The following RCSD1 variants were observed in gnomAD, a reference collection of about 807,000 sequenced individuals.
RCSD1 encodes the protein capZ-interacting protein.
RCSD1 carries 26 observed loss-of-function variants against 42.5 expected under a neutral mutation model. The observed-to-expected ratio is 0.61, with a 90% CI of 0.45 to 0.85. The LOEUF (loss-of-function observed/expected upper bound fraction) is 0.85, where lower values mean the gene tolerates loss of function less well. RCSD1 is among the 40% of genes least tolerant of loss of function. RCSD1 has a pLI of 0.00. For synonymous variants in RCSD1, 220 were observed against 212.2 expected (o/e 1.04, Z -0.32); for missense variants, 571 against 528.3 (o/e 1.08, Z -0.79).
intron 1 of RCSD1, among the ~76,000 whole-genome samples, chr1:167,670,107 C>A (rs776017845): frequency 5.3e-5 from 8 of 152,084 alleles, no homozygotes; most frequent in Non-Finnish European, 7.4e-5. Flanking sequence ...GGACTCCAGG[C>A]AATCCTGGAA....
intron 1 of RCSD1, among the ~76,000 whole-genome samples, chr1:167,644,496 C>A (rs146659215): frequency 0.37 from 20,173 of 54,798 alleles, 1,812 homozygotes; most frequent in Non-Finnish European, 0.42. Context: ...TAAATACATA[C>A]ATACATACAT....
At chr1:167,644,665 T>A (rs1658090071) in intron 1 of RCSD1, among the ~76,000 whole-genome samples, 1 of 152,094 alleles carries the variant, frequency 6.6e-6, no homozygotes, top group Non-Finnish European at 1.5e-5. Flanking sequence ...CCCCTTCCAC[T>A]TCCTCCCCCC....
At chr1:167,698,989 C>T (rs572506412) in intron 6 of RCSD1, among the ~76,000 whole-genome samples, 133 of 152,046 alleles carry the variant, frequency 8.7e-4, no homozygotes, top group African/African-American at 2.8e-3. Context: ...TTAGTGGAGA[C>T]GGGTTTCACC....
chr1:167,704,759 A>G lies in RCSD1; in HGVS notation c.*63A>G, dbSNP rs1659717907. ...ACACATCTCTTTGCAGGTAGCAGCA[A>G]CAGTTGTAGCAGCAGCAGACGAAGC... On this transcript the variant is annotated 3_prime_UTR_variant, in exon 7 of 7. Transcript: ENST00000367854. The G allele has an allele frequency of 2.0e-6, 3 of 1,529,476 alleles. No homozygotes were observed. The highest frequency in any genetic ancestry group is 2.7e-6 in the Non-Finnish European group (3 of 1,106,132). 94.7% of individuals were successfully genotyped at this position (1,529,476 alleles called of 1,614,324 possible). A position where few individuals can be genotyped will look rare whatever the true frequency, so the allele number is the denominator to read the frequency against.
At chr1:167,692,775 A>G (rs904624245) in intron 4 of RCSD1, among the ~76,000 whole-genome samples, 1 of 152,190 alleles carries the variant, frequency 6.6e-6, no homozygotes, top group Admixed American at 6.5e-5. Context: ...CTTTATTAAG[A>G]TCACAATGAA....
intron 5 of RCSD1, among the ~76,000 whole-genome samples, 183 bp downstream of exon 5, chr1:167,694,485 C>T (rs1659451224): frequency 6.6e-6 from 1 of 152,164 alleles, no homozygotes; most frequent in African/African-American, 2.4e-5. Flanking sequence ...ACTAGGATCA[C>T]CTTTTTCCTC....
chr1:167,704,895 AG>A lies in RCSD1; in HGVS notation c.*202del. On this transcript the variant is annotated 3_prime_UTR_variant, in exon 7 of 7. Transcript: ENST00000367854. Reference sequence around the variant, plus strand: ...CCCTTGCAGATGGAGACTGAATCTGAGGGCAGCAGACTTTTATCAGCTTGAG... The same window carrying A: ...CCCTTGCAGATGGAGACTGAATCTGAGGCAGCAGACTTTTATCAGCTTGAG... The A allele has an allele frequency of 1.8e-6, 1 of 547,788 alleles. No individual in the cohort carries two copies. Among genetic ancestry groups the A allele is most frequent in the East Asian group, 3.1e-5 (1 of 32,200 alleles). The allele number at this position is 547,788 out of a possible 1,614,324, so 33.9% of individuals were successfully genotyped here.
chr1:167,665,589 G>A (rs1022096034), intron 1 of RCSD1, among the ~76,000 whole-genome samples: 3 of 152,142 alleles, frequency 2.0e-5, no homozygotes, highest in Non-Finnish European at 4.4e-5. Flanking sequence ...CAACAATATA[G>A]GAGTGATCCA....
In RCSD1 at chr1:167,670,422, C is replaced by T. The variant is rs183657164; in HGVS notation, c.7-13478C>T. ...CCAGACTGACAAGGTTGAGTTTGAT[C>T]GGCAGCTCTGCCCCTGCATGCCTGC... On this transcript the variant is annotated intron_variant, in intron 1 of 6. Coordinates refer to ENST00000367854, the MANE Select transcript of RCSD1 (RefSeq NM_052862.4). Among the ~76,000 whole-genome samples, 449 of 150,662 alleles carry T rather than the reference C, an allele frequency of 3.0e-3. 4 individuals are homozygous for T. The highest frequency in any genetic ancestry group is 0.01 in the African/African-American group (421 of 40,964).
intron 1 of RCSD1, among the ~76,000 whole-genome samples, chr1:167,671,443 C>G (rs1443461409): frequency 2.0e-5 from 3 of 152,190 alleles, no homozygotes; most frequent in African/African-American, 7.2e-5. Flanking sequence ...CGGAAGGGGC[C>G]AGCCCTTATC....
At chr1:167,646,446 TAAAAA>T (rs10530984) in intron 1 of RCSD1, among the ~76,000 whole-genome samples, 37 of 136,764 alleles carry the variant, frequency 2.7e-4, no homozygotes, top group Admixed American at 7.2e-4. Context: ...AACACTTTTC[TAAAAA>T]AAAAAAAAAA....
At chr1:167,701,256 C>G (rs115100103) in intron 6 of RCSD1, among the ~76,000 whole-genome samples, 3,102 of 81,250 alleles carry the variant, frequency 0.038, 52 homozygotes, top group Middle Eastern at 0.097. Flanking sequence ...TGCCTAGTTT[C>G]TTTCTTTCTT....
rs969732625 is a variant in RCSD1, at chr1:167,683,800, C to T, written c.7-100C>T. Reference sequence around the variant, plus strand: ...GTTGGATAATGCTGTTAAAATACCTCACTGTCACAGCATTCCTGCTTGCAG... The same window carrying T: ...GTTGGATAATGCTGTTAAAATACCTTACTGTCACAGCATTCCTGCTTGCAG... On this transcript the variant is annotated intron_variant, in intron 1 of 6. Coordinates refer to ENST00000367854, the MANE Select transcript of RCSD1 (RefSeq NM_052862.4). 10 of 1,091,082 alleles carry T rather than the reference C, an allele frequency of 9.2e-6. No homozygotes were observed. The Admixed American group carries it at 2.0e-4, about 22-fold the overall frequency. The allele number at this position is 1,091,082 out of a possible 1,614,324, so 67.6% of individuals were successfully genotyped here.
chr1:167,648,822 A>G (rs1395971265), intron 1 of RCSD1, among the ~76,000 whole-genome samples: 1 of 152,184 alleles, frequency 6.6e-6, no homozygotes, highest in African/African-American at 2.4e-5. Context: ...GTCCTCTAGG[A>G]AATCCCTTGA....
intron 1 of RCSD1, among the ~76,000 whole-genome samples, chr1:167,677,305 A>C (rs1414416690): frequency 1.3e-5 from 2 of 152,216 alleles, no homozygotes; most frequent in Non-Finnish European, 2.9e-5. Context: ...TGGATGGGGC[A>C]CGCAACATTC....
In RCSD1 at chr1:167,697,131, T is replaced by C; in HGVS notation, c.507T>C (p.Pro169=). 1 of 1,613,588 alleles carries C rather than the reference T, an allele frequency of 6.2e-7. No homozygotes were observed. Among genetic ancestry groups the C allele is most frequent in the East Asian group, 2.2e-5 (1 of 44,872 alleles). The change falls in exon 6 of 7, where the codon CCT becomes CCC. Residue 169 remains proline (P), a synonymous_variant. Transcript: ENST00000367854. ...VRTRGSIKRR[P]PSRRFRRSQS... ...CGAGGGGCTCAATAAAAAGGCGCCC[T>C]CCCTCCAGGCGATTCCGAAGGTCAC...
chr1:167,692,572 C>CA (rs1659401121), intron 4 of RCSD1, among the ~76,000 whole-genome samples: 1 of 151,722 alleles, frequency 6.6e-6, no homozygotes, highest in Non-Finnish European at 1.5e-5. Flanking sequence ...TGGATGGACT[C>CA]AAAGTCTCAA....
intron 2 of RCSD1, 111 bp from the exon 3 acceptor site, chr1:167,685,310 C>T (rs1278632302): frequency 1.3e-6 from 1 of 749,728 alleles, no homozygotes; most frequent in Non-Finnish European, 2.2e-6. Flanking sequence ...CCTAACATTC[C>T]TAAATCCCTA....
chr1:167,649,117 G>T (rs1284702320), intron 1 of RCSD1, among the ~76,000 whole-genome samples: 1 of 152,166 alleles, frequency 6.6e-6, no homozygotes, highest in Non-Finnish European at 1.5e-5. Context: ...GGGAGGGGCT[G>T]GGGGAAAGAA....
Sources: allele counts gnomAD v4.1 joint callset (sites outside exome capture counted in the v4.1 genomes callset), GRCh38; gene constraint gnomAD v4.1.1; transcripts MANE v1.5; gene names NCBI Gene and HGNC (gene_info 2026-07-23, HGNC 2026-07-21).